The following SCAPER variants were observed in gnomAD, a reference collection of about 807,000 sequenced individuals.
The protein encoded by SCAPER is S phase cyclin A-associated protein in the endoplasmic reticulum.
In SCAPER, 98 loss-of-function variants were observed where a neutral mutation model predicts 182.2. The ratio of observed to expected loss-of-function variants is 0.54; its 90% CI spans 0.46 to 0.64. SCAPER has a LOEUF of 0.64. SCAPER is among the 30% of genes least tolerant of loss of function. SCAPER has a pLI of 0.00. For synonymous variants in SCAPER, 605 were observed against 564.6 expected (o/e 1.07, Z -1.01); for missense variants, 1,432 against 1,690.0 (o/e 0.85, Z 2.68).
intron 24 of SCAPER, among the ~76,000 whole-genome samples, chr15:76,503,923 T>C (rs1342622108): frequency 6.6e-6 from 1 of 152,104 alleles, no homozygotes; most frequent in Non-Finnish European, 1.5e-5. Context: ...TCTTGCTCTG[T>C]TGCCCAGACT....
chr15:76,580,555 G>C (rs1209606395), intron 22 of SCAPER, among the ~76,000 whole-genome samples: 2 of 152,174 alleles, frequency 1.3e-5, no homozygotes, highest in East Asian at 3.9e-4. Flanking sequence ...AGGAGCTTGA[G>C]GCTAGCCTGG....
intron 20 of SCAPER, among the ~76,000 whole-genome samples, chr15:76,686,562 C>T (rs1009768589): frequency 1.3e-5 from 2 of 152,126 alleles, no homozygotes; most frequent in East Asian, 3.9e-4. Context: ...TAGGTATATA[C>T]CCAAGGAAAA....
At chr15:76,397,245 T>G (rs1206539204) in intron 27 of SCAPER, among the ~76,000 whole-genome samples, 1 of 152,126 alleles carries the variant, frequency 6.6e-6, no homozygotes. Context: ...TGAGGATTTC[T>G]GCATTAATAT....
intron 25 of SCAPER, among the ~76,000 whole-genome samples, chr15:76,450,446 A>G (rs1469560392): frequency 1.3e-5 from 2 of 152,188 alleles, no homozygotes; most frequent in African/African-American, 2.4e-5. Context: ...TTTTGGAAAG[A>G]GTATTTTTTT....
chr15:76,465,049 T>C (rs2049493920), intron 25 of SCAPER, among the ~76,000 whole-genome samples: 1 of 152,192 alleles, frequency 6.6e-6, no homozygotes, highest in Admixed American at 6.6e-5. Flanking sequence ...AAATGTCTAT[T>C]TAAGCCCTTT....
intron 21 of SCAPER, among the ~76,000 whole-genome samples, chr15:76,635,763 T>C (rs187870916): frequency 6.6e-6 from 1 of 152,244 alleles, no homozygotes; most frequent in East Asian, 1.9e-4. Context: ...GGTGTGTTTA[T>C]CACAAAAGGT....
chr15:76,893,661 A>G (rs988014625), intron 1 of SCAPER, among the ~76,000 whole-genome samples: 2 of 152,240 alleles, frequency 1.3e-5, no homozygotes, highest in Non-Finnish European at 2.9e-5. Context: ...GATAGATCAT[A>G]TGTTAGGCCA....
chr15:76,500,693 A>C (rs926233448), intron 24 of SCAPER, among the ~76,000 whole-genome samples: 6 of 152,178 alleles, frequency 3.9e-5, no homozygotes. Flanking sequence ...TCAAATATTA[A>C]AAAGCTATGA....
chr15:76,531,468 T>C (rs1260264310), intron 23 of SCAPER, among the ~76,000 whole-genome samples: 1 of 152,200 alleles, frequency 6.6e-6, no homozygotes, highest in Non-Finnish European at 1.5e-5. Flanking sequence ...CAAGATAGAA[T>C]ACCAACTTGC....
intron 21 of SCAPER, among the ~76,000 whole-genome samples, chr15:76,638,361 T>A (rs2053818293): frequency 1.3e-5 from 2 of 152,150 alleles, no homozygotes; most frequent in South Asian, 4.1e-4. Context: ...CATTTCCCCC[T>A]CAATCTTATC....
chr15:76,861,328 AAGC>A (rs2071843953), intron 3 of SCAPER, among the ~76,000 whole-genome samples: 2 of 152,236 alleles, frequency 1.3e-5, no homozygotes, highest in South Asian at 4.1e-4. Flanking sequence ...ACAACACTTA[AAGC>A]AATTGATTAA....
At chr15:76,688,427 C>T (rs1230256706) in intron 20 of SCAPER, among the ~76,000 whole-genome samples, 1 of 152,152 alleles carries the variant, frequency 6.6e-6, no homozygotes, top group Non-Finnish European at 1.5e-5. Flanking sequence ...TGTGCAGAAG[C>T]TCTTTGGTTT....
At chr15:76,531,218 AG>A (rs771080691) in intron 23 of SCAPER, among the ~76,000 whole-genome samples, 7 of 152,182 alleles carry the variant, frequency 4.6e-5, no homozygotes, top group Non-Finnish European at 8.8e-5. Flanking sequence ...AAGGTCCTGA[AG>A]TCAAACCTGC....
In SCAPER at chr15:76,404,564, A is replaced by T. The variant is rs746872042; in HGVS notation, c.3427T>A (p.Leu1143Ile). Residue 1143 changes from leucine to isoleucine, a missense_variant, in exon 27 of 32, where the codon TTA becomes ATA. This residue lies in a region of SCAPER where 718 missense variants were observed against 799.7 expected (regional missense o/e 0.90). Coordinates refer to ENST00000563290, the MANE Select transcript of SCAPER (RefSeq NM_020843.4). ...AIFLQHAAGL[L>I]HAMCTLCFAV... ...AAGCACAGTGTACACATTGCATGTA[A>T]GAGTCCTGCGGCATGCTGCAGAAAT... is the stretch of plus-strand genomic sequence containing the variant. The T allele has an allele frequency of 3.7e-6, 6 of 1,613,552 alleles. No homozygotes were observed. The East Asian group carries it at 1.3e-4, about 36-fold the overall frequency.
intron 26 of SCAPER, among the ~76,000 whole-genome samples, chr15:76,428,866 C>CTATAGATATATATATATATATA (rs2046629241): frequency 1.3e-5 from 1 of 79,954 alleles, no homozygotes; most frequent in Non-Finnish European, 2.3e-5. Context: ...GATCATTATA[C>CTATAGATATATATATATATATA]TATATATATA....
intron 24 of SCAPER, chr15:76,472,178 G>T (rs2050235279): frequency 2.1e-6 from 1 of 475,410 alleles, no homozygotes; most frequent in Non-Finnish European, 4.0e-6. Context: ...CCGTAAGGTT[G>T]TCTGCTTAAC....
chr15:76,545,564 G>A (rs1597318026), intron 23 of SCAPER, among the ~76,000 whole-genome samples: 1 of 152,064 alleles, frequency 6.6e-6, no homozygotes, highest in East Asian at 1.9e-4. Flanking sequence ...TCAATAACGA[G>A]AACCCTGGAT....
At chr15:76,795,178 T>A in intron 8 of SCAPER, 102 bp downstream of exon 8, 1 of 1,047,402 alleles carries the variant, frequency 9.5e-7, no homozygotes, top group Non-Finnish European at 1.4e-6. Context: ...TAATATTACG[T>A]ATGTTGTACA....
chr15:76,518,336 C>T (rs892566018), intron 23 of SCAPER, among the ~76,000 whole-genome samples: 3 of 152,150 alleles, frequency 2.0e-5, no homozygotes, highest in South Asian at 2.1e-4. Context: ...CTTTAGAGTA[C>T]GCCTTTTCCA....
Sources: gnomAD v4.1 joint callset for allele counts (sites outside exome capture counted in the v4.1 genomes callset) on GRCh38, gnomAD v4.1.1 for gene constraint, gnomAD v4.1.1 regional missense constraint, MANE v1.5 for transcripts, NCBI Gene and HGNC (gene_info 2026-07-23, HGNC 2026-07-21) for gene names.